SLC17A5: variants seen among roughly 807,000 people sequenced by gnomAD.
The protein encoded by SLC17A5 is sialin.
Under a neutral mutation model 59.4 loss-of-function variants are expected in SLC17A5, and 47 were observed. The observed-to-expected ratio is 0.79, with a 90% confidence interval of 0.63 to 1.01. The LOEUF (loss-of-function observed/expected upper bound fraction) is 1.01. Ranked by LOEUF, SLC17A5 falls within the 50% of genes least tolerant of loss-of-function variation. The pLI, the probability that SLC17A5 is intolerant of heterozygous loss-of-function variation, is 0.00. For synonymous variants in SLC17A5, 202 were observed against 210.7 expected, an observed-to-expected ratio of 0.96 and a Z score of 0.36; for missense variants, 522 against 595.5, an observed-to-expected ratio of 0.88 and a Z score of 1.28.
chr6:73,649,301 A>G (rs1055499218), intron 1 of SLC17A5, among the ~76,000 whole-genome samples: 1 of 152,202 alleles, frequency 6.6e-6, no homozygotes, highest in Non-Finnish European at 1.5e-5. Context: ...CCTAGACAAT[A>G]ATAGATAATA....
At chr6:73,643,819 A>G (rs1769414742) in intron 2 of SLC17A5, among the ~76,000 whole-genome samples, 2 of 152,200 alleles carry the variant, frequency 1.3e-5, no homozygotes, top group South Asian at 4.1e-4. Context: ...TTCTTTCTGT[A>G]CTATCTCCTC....
At chr6:73,615,491 A>C in intron 7 of SLC17A5, 44 bp from the exon 8 acceptor site, 1 of 1,603,852 alleles carries the variant, frequency 6.2e-7, no homozygotes. Context: ...GGTGAGAGAA[A>C]AAAACAAAAC....
intron 7 of SLC17A5, 45 bp downstream of exon 7, chr6:73,621,759 G>A (rs768020404): frequency 1.4e-6 from 2 of 1,413,200 alleles, no homozygotes; most frequent in Non-Finnish European, 2.0e-6. Context: ...TCTGTGTATG[G>A]TCTTATACTA....
chr6:73,611,115 T>A (rs1252493060), intron 8 of SLC17A5, among the ~76,000 whole-genome samples: 2 of 152,068 alleles, frequency 1.3e-5, no homozygotes, highest in Non-Finnish European at 2.9e-5. Context: ...GGCATGGTGG[T>A]GCACACCTGT....
intron 1 of SLC17A5, among the ~76,000 whole-genome samples, chr6:73,647,788 C>T (rs1769650016): frequency 6.6e-6 from 1 of 152,198 alleles, no homozygotes; most frequent in Admixed American, 6.5e-5. Flanking sequence ...TAAAAAGCGG[C>T]CAGGCACGGT....
At chr6:73,608,566 G>A (rs190272522) in intron 9 of SLC17A5, among the ~76,000 whole-genome samples, 71 of 152,286 alleles carry the variant, frequency 4.7e-4, no homozygotes, top group Admixed American at 4.6e-3. Flanking sequence ...ACAATTAAGT[G>A]AATCAATAGA....
intron 7 of SLC17A5, among the ~76,000 whole-genome samples, chr6:73,620,116 G>T (rs371833367): frequency 1.3e-4 from 20 of 151,910 alleles, no homozygotes; most frequent in African/African-American, 3.4e-4. Flanking sequence ...TAGAGATGGG[G>T]TTTCACATGT....
intron 9 of SLC17A5, among the ~76,000 whole-genome samples, chr6:73,604,008 T>C (rs1232774697): frequency 1.3e-5 from 2 of 151,894 alleles, no homozygotes; most frequent in African/African-American, 4.8e-5. Context: ...TGTATAAAGA[T>C]CACAAAGTTT....
rs1767591554 is a variant in SLC17A5 at position 73,610,417 on chromosome 6, A to C, written c.1242T>G (p.His414Gln). 2 of 1,614,136 alleles carry C rather than the reference A, an allele frequency of 1.2e-6. No individual in the cohort carries two copies. The highest frequency in any genetic ancestry group is 8.5e-7 in the Non-Finnish European group (1 of 1,180,014). ...GFCSSGFSINHLDIAPSYAGI... is the reference protein window; with the variant it reads ...GFCSSGFSINQLDIAPSYAGI... Reference sequence around the variant, plus strand: ...GTACTCACGAAGGAGCAATATCCAGATGGTTGATGCTAAATCCAGAAGAGC... The same window carrying C: ...GTACTCACGAAGGAGCAATATCCAGCTGGTTGATGCTAAATCCAGAAGAGC... Residue 414 changes from histidine (H) to glutamine (Q), a missense_variant, in exon 9 of 11, where the codon CAT (histidine) becomes CAG (glutamine). Physicochemically the swap from His to Gln is conservative, Grantham distance 24 (BLOSUM62 0). Coordinates refer to ENST00000355773, the MANE Select transcript of SLC17A5 (RefSeq NM_012434.5).
intron 6 of SLC17A5, among the ~76,000 whole-genome samples, chr6:73,622,570 G>A (rs926169740): frequency 2.6e-5 from 4 of 152,158 alleles, no homozygotes; most frequent in East Asian, 1.9e-4. Flanking sequence ...GATTACAGGC[G>A]TGAGCCACCG....
chr6:73,597,262 T>C (rs138110351), intron 10 of SLC17A5, among the ~76,000 whole-genome samples: 8,557 of 144,834 alleles, frequency 0.059, 428 homozygotes, highest in Admixed American at 0.17. Context: ...GGTCAGGAGA[T>C]GGAGACTGTC....
chr6:73,597,163 AAAAT>A (rs1477313186), intron 10 of SLC17A5, among the ~76,000 whole-genome samples: 2 of 151,138 alleles, frequency 1.3e-5, no homozygotes, highest in Admixed American at 6.6e-5. Flanking sequence ...CTCCGTCTCA[AAAAT>A]AAATAAATAA....
chr6:73,653,926 A>G lies in SLC17A5; in HGVS notation c.-40T>C. The G allele has an allele frequency of 1.3e-6, 2 of 1,541,808 alleles. No individual in the cohort carries two copies. The highest frequency in any genetic ancestry group is 2.4e-5 in the East Asian group (1 of 42,046). ...CAGGTGTACTCGCCACCTGGCAGAGAAGGGAGCGCCGGCCCGACAGCCCGA... is the reference window on the plus strand; with the variant it reads ...CAGGTGTACTCGCCACCTGGCAGAGGAGGGAGCGCCGGCCCGACAGCCCGA... On this transcript the variant is annotated 5_prime_UTR_variant, in exon 1 of 11. Transcript: ENST00000355773.
intron 10 of SLC17A5, among the ~76,000 whole-genome samples, chr6:73,597,300 T>C (rs1419778586): frequency 6.8e-6 from 1 of 147,742 alleles, no homozygotes; most frequent in Non-Finnish European, 1.5e-5. Flanking sequence ...ACCCCGTCTC[T>C]ACTAAAAAGA....
chr6:73,624,591 T>C (rs1768316507), intron 6 of SLC17A5, among the ~76,000 whole-genome samples: 1 of 151,984 alleles, frequency 6.6e-6, no homozygotes, highest in Non-Finnish European at 1.5e-5. Context: ...AGAATAAATA[T>C]ACGGCCAGGC....
chr6:73,631,932 T>C lies in SLC17A5; in HGVS notation c.819+3450A>G, dbSNP rs191236469. Among the ~76,000 whole-genome samples, 433 of 151,220 alleles carry C rather than the reference T, an allele frequency of 2.9e-3. 7 individuals carry two copies. The Middle Eastern group carries it at 0.044, about 15-fold the overall frequency. On this transcript the variant is annotated intron_variant, in intron 6 of 10. Transcript: ENST00000355773. ...GAATGAGTAGATGCTGCACATTTCT[T>C]GGGTCCAAGATTTAAAGATGCAGCT...
intron 7 of SLC17A5, among the ~76,000 whole-genome samples, chr6:73,616,513 A>C (rs642651): frequency 0.38 from 56,851 of 150,770 alleles, 11,859 homozygotes; most frequent in African/African-American, 0.56. Flanking sequence ...CCAGTAAAAC[A>C]ATAACTCAAA....
chr6:73,599,244 C>T (rs555212690), intron 10 of SLC17A5, among the ~76,000 whole-genome samples: 4 of 151,564 alleles, frequency 2.6e-5, no homozygotes, highest in Admixed American at 6.6e-5. Context: ...CAGGGTCTCC[C>T]GCTCTCACCC....
chr6:73,635,303 A>C lies in SLC17A5; in HGVS notation c.819+79T>G, dbSNP rs558839. ...TCTAGAGCATGCACAATAGGAATAT[A>C]TATTTTTAAAAACTGATATCTTAAT... On this transcript the variant is annotated intron_variant, in intron 6 of 10. Transcript: ENST00000355773. 88,470 of 801,318 alleles carry C rather than the reference A, an allele frequency of 0.11. 7,399 individuals carry two copies. The highest frequency in any genetic ancestry group is 0.35 in the African/African-American group (20,361 of 58,578). The allele number at this position is 801,318 out of a possible 1,614,324, so 49.6% of individuals were successfully genotyped here.
Sources: gnomAD v4.1 joint callset for allele counts (sites outside exome capture counted in the v4.1 genomes callset) on GRCh38, gnomAD v4.1.1 for gene constraint, MANE v1.5 for transcripts, NCBI Gene and HGNC (gene_info 2026-07-23, HGNC 2026-07-21) for gene names.